FBXO15: variants seen among roughly 807,000 people sequenced by gnomAD.
FBXO15 encodes the protein F-box only protein 15.
FBXO15 carries 30 observed loss-of-function variants against 49.5 expected under a neutral mutation model. That is an observed-to-expected ratio of 0.61 (90% confidence interval 0.45 to 0.82). The LOEUF (loss-of-function observed/expected upper bound fraction) is 0.82, where lower values mean the gene tolerates loss of function less well. FBXO15 is among the 40% of genes least tolerant of loss of function. FBXO15 has a pLI of 0.00. For synonymous variants in FBXO15, 250 were observed against 232.7 expected, an observed-to-expected ratio of 1.07 and a Z score of -0.68; for missense variants, 591 against 631.5, an observed-to-expected ratio of 0.94 and a Z score of 0.69.
Position 74,091,834 on chromosome 18 carries a change from T to C in FBXO15, c.1139-9783A>G, listed in dbSNP as rs1359719838. ...AATGTTTTTTCTTTCATTTTGACCT[T>C]GGAGAATCCGATGACTACATGTCTT... On this transcript the variant is annotated intron_variant, in intron 8 of 9. Transcript: ENST00000419743. 2.0e-5 allele frequency among the ~76,000 whole-genome samples: 3 copies of C among 152,208 alleles called. No homozygotes were observed. The East Asian group carries it at 5.8e-4, about 29-fold the overall frequency.
intron 8 of FBXO15, among the ~76,000 whole-genome samples, chr18:74,088,641 C>A (rs750530666): frequency 7.9e-5 from 12 of 152,118 alleles, no homozygotes; most frequent in Admixed American, 3.3e-4. Flanking sequence ...AAATGTGATG[C>A]CTCCAGCTTT....
intron 8 of FBXO15, among the ~76,000 whole-genome samples, chr18:74,111,261 CAAAA>C (rs60236226): frequency 3.6e-5 from 3 of 84,356 alleles, no homozygotes; most frequent in Admixed American, 2.3e-4. Context: ...GTCTCTGTCT[CAAAA>C]AAAAAAAAAA....
At position 74,081,921 on chromosome 18, in the gene FBXO15, T is replaced by TG; in HGVS notation, c.1263+5_1263+6insC. ...CTTGAAGAAAAGAAAACGGTTCTGT[T>TG]TTTACCTTTATACAGCCATCAAAAA... On this transcript the variant is annotated splice_donor_region_variant and intron_variant, in intron 9 of 9. Transcript: ENST00000419743. The TG allele has an allele frequency of 6.3e-7, 1 of 1,596,544 alleles. No homozygotes were observed. Among genetic ancestry groups the TG allele is most frequent in the Non-Finnish European group, 8.5e-7 (1 of 1,173,874 alleles).
intron 2 of FBXO15, among the ~76,000 whole-genome samples, chr18:74,138,763 A>G (rs1978881981): frequency 1.3e-5 from 2 of 152,078 alleles, no homozygotes; most frequent in Admixed American, 6.5e-5. Context: ...CTCAGTCAAC[A>G]GCACCTCAAC....
intron 6 of FBXO15, among the ~76,000 whole-genome samples, chr18:74,124,969 T>C (rs1391497919): frequency 6.6e-6 from 1 of 152,208 alleles, no homozygotes; most frequent in Admixed American, 6.5e-5. Context: ...ACAATGTTCC[T>C]CTTGCAAGTA....
rs1166540164 is a variant in FBXO15, at chr18:74,126,046, T to C, written c.841A>G (p.Thr281Ala). The change falls in exon 6 of 10, where the codon ACC (threonine) becomes GCC (alanine). Residue 281 changes from threonine (T) to alanine (A), a missense_variant. Coordinates refer to ENST00000419743, the MANE Select transcript of FBXO15 (RefSeq NM_001142958.2). ...ATGAGTCTGTCACAGCCAATCATGG[T>C]AGATATGGTCAAATGACTCAGATTG... ...KYNLSHLTISTMIGCDRLIRI... is the reference protein window; with the variant it reads ...KYNLSHLTISAMIGCDRLIRI... The C allele has an allele frequency of 1.2e-6, 2 of 1,613,948 alleles. No individual in the cohort carries two copies. The highest frequency in any genetic ancestry group is 2.7e-5 in the African/African-American group (2 of 74,902).
intron 8 of FBXO15, 67 bp downstream of exon 8, chr18:74,123,301 C>T (rs909865562): frequency 3.9e-6 from 6 of 1,529,346 alleles, no homozygotes; most frequent in Non-Finnish European, 5.3e-6. Flanking sequence ...TTAACTCGGA[C>T]ATCAAAATTG....
chr18:74,093,911 T>C (rs546806231), intron 8 of FBXO15, among the ~76,000 whole-genome samples: 46 of 152,328 alleles, frequency 3.0e-4, no homozygotes, highest in Admixed American at 1.9e-3. Context: ...CTGGAAACTA[T>C]AGACTTATAA....
At chr18:74,101,504 G>A (rs572866400) in intron 8 of FBXO15, among the ~76,000 whole-genome samples, 6 of 152,174 alleles carry the variant, frequency 3.9e-5, no homozygotes, top group East Asian at 1.9e-4. Flanking sequence ...GCTCATGGAT[G>A]GGTAGAATTG....
At chr18:74,110,684 G>A (rs957684755) in intron 8 of FBXO15, among the ~76,000 whole-genome samples, 4 of 150,748 alleles carry the variant, frequency 2.7e-5, no homozygotes, top group Admixed American at 6.6e-5. Context: ...CACTTTAAAT[G>A]TAAAGATACA....
At chr18:74,129,297 T>C (rs1978309788) in intron 5 of FBXO15, 108 bp downstream of exon 5, 2 of 884,626 alleles carry the variant, frequency 2.3e-6, no homozygotes, top group Non-Finnish European at 3.4e-6. Flanking sequence ...ATTTAATATG[T>C]GATAAAATTA....
intron 3 of FBXO15, among the ~76,000 whole-genome samples, chr18:74,132,651 T>C (rs1274705508): frequency 6.6e-6 from 1 of 152,236 alleles, no homozygotes; most frequent in Admixed American, 6.5e-5. Context: ...CAAACACATT[T>C]ACTTCTTGAT....
In FBXO15 at chr18:74,082,039, T is replaced by C; in HGVS notation, c.1151A>G (p.Asn384Ser). The change falls in exon 9 of 10, where the codon AAT (asparagine) becomes AGT (serine). Residue 384 changes from asparagine to serine, a missense_variant. Transcript: ENST00000419743. ...NLFTKRGNIE[N>S]GHVKLIVIHL... ...TATAACAATGAGCTTCACATGTCCA[T>C]TTTCAATATTTCCTGAAAAGATATA... 6.2e-7 allele frequency: 1 copy of C among 1,610,972 alleles called. No homozygotes were observed. The highest frequency in any genetic ancestry group is 1.1e-5 in the South Asian group (1 of 90,026).
chr18:74,145,594 C>CTTTTTTTTTTTTTTTT lies in FBXO15; in HGVS notation c.116+2060_116+2075dup, dbSNP rs760823560. On this transcript the variant is annotated intron_variant, in intron 1 of 9. Coordinates refer to ENST00000419743, the MANE Select transcript of FBXO15 (RefSeq NM_001142958.2). ...TTATCCATAAAATAAACCAACTGCA[C>CTTTTTTTTTTTTTTTT]TTTTTTTTTTTTTTTTTTTTTGCGA... 7.3e-5 allele frequency among the ~76,000 whole-genome samples: 7 copies of CTTTTTTTTTTTTTTTT among 96,370 alleles called. 2 individuals carry two copies. The highest frequency in any genetic ancestry group is 3.0e-4 in the African/African-American group (6 of 20,254). 63.2% of individuals were successfully genotyped at this position (96,370 alleles called of 152,430 possible).
At chr18:74,137,472 A>G (rs539349684) in intron 2 of FBXO15, among the ~76,000 whole-genome samples, 1 of 152,296 alleles carries the variant, frequency 6.6e-6, no homozygotes, top group African/African-American at 2.4e-5. Context: ...CTGGAATGAA[A>G]TCCCATTCAA....
intron 1 of FBXO15, among the ~76,000 whole-genome samples, chr18:74,142,567 T>C (rs1467877757): frequency 1.3e-5 from 2 of 152,184 alleles, no homozygotes; most frequent in Non-Finnish European, 2.9e-5. Flanking sequence ...CCAGAAATCC[T>C]TGGTGTCCCT....
rs575795226 is a variant in FBXO15, at chr18:74,074,372, C to T, written c.1264-642G>A. Among the ~76,000 whole-genome samples, 17 of 152,318 alleles carry T rather than the reference C, an allele frequency of 1.1e-4. No homozygotes were observed. The highest frequency in any genetic ancestry group is 2.1e-4 in the South Asian group (1 of 4,830). On this transcript the variant is annotated intron_variant, in intron 9 of 9. Transcript: ENST00000419743. The surrounding 1 kb of genome is among the most constrained non-coding windows in gnomAD (Gnocchi z 4.7). ...TGTCATCCCAAGTGATCCCAACATC[C>T]GTGGGGACCCTGGTGGAGCCTCCAG...
At chr18:74,107,743 G>A (rs1359787137) in intron 8 of FBXO15, among the ~76,000 whole-genome samples, 1 of 152,190 alleles carries the variant, frequency 6.6e-6, no homozygotes, top group Non-Finnish European at 1.5e-5. Flanking sequence ...GGTTCTCACA[G>A]TGAGTATCAG....
At chr18:74,125,646 C>A (rs553443674) in intron 6 of FBXO15, among the ~76,000 whole-genome samples, 2 of 152,138 alleles carry the variant, frequency 1.3e-5, no homozygotes, top group African/African-American at 4.8e-5. Context: ...GAAGAAGGAA[C>A]GTGGACTGAT....
Sources: allele counts gnomAD v4.1 joint callset (sites outside exome capture counted in the v4.1 genomes callset), GRCh38; gene constraint gnomAD v4.1.1; non-coding constraint Gnocchi (gnomAD v3.1); transcripts MANE v1.5; gene names NCBI Gene and HGNC (gene_info 2026-07-23, HGNC 2026-07-21).